BMP2K: variants seen among roughly 807,000 people sequenced by gnomAD.
BMP2K encodes BMP-2-inducible protein kinase.
A neutral mutation model predicts 116.0 loss-of-function variants in BMP2K; 74 were observed. The ratio of observed to expected loss-of-function variants is 0.64; its 90% confidence interval spans 0.53 to 0.77. The LOEUF (loss-of-function observed/expected upper bound fraction) is 0.77, where lower values mean the gene tolerates loss of function less well. Among genes scored for constraint, BMP2K ranks in the 30% least tolerant of loss-of-function variants. The pLI, the probability that BMP2K is intolerant of heterozygous loss-of-function variation, is 0.00. For synonymous variants in BMP2K, 486 were observed against 502.5 expected (o/e 0.97, Z 0.44); for missense variants, 1,365 against 1,403.6 (o/e 0.97, Z 0.44).
At chr4:78,811,951 C>A (rs1039234288) in intron 1 of BMP2K, among the ~76,000 whole-genome samples, 1 of 151,950 alleles carries the variant, frequency 6.6e-6, no homozygotes. Context: ...ATTTCCCACA[C>A]TGAAGTTATT....
chr4:78,844,731 A>G (rs1217414868), intron 4 of BMP2K, among the ~76,000 whole-genome samples, 197 bp from the exon 5 acceptor site: 1 of 151,540 alleles, frequency 6.6e-6, no homozygotes, highest in African/African-American at 2.4e-5. Flanking sequence ...TTATGTCTAT[A>G]TATGTGTGTG....
At chr4:78,851,120 A>G (rs1731232312) in intron 7 of BMP2K, 64 bp downstream of exon 7, 1 of 1,382,090 alleles carries the variant, frequency 7.2e-7, no homozygotes, top group South Asian at 1.6e-5. Context: ...TACTATTTAC[A>G]TTCCTTTACT....
chr4:78,912,140 G>T lies in BMP2K; in HGVS notation c.*107G>T. The T allele has an allele frequency of 1.0e-6, 1 of 1,004,676 alleles. No homozygotes were observed. The highest frequency in any genetic ancestry group is 1.5e-6 in the Non-Finnish European group (1 of 668,506). The allele number at this position is 1,004,676 out of a possible 1,614,324, so 62.2% of individuals were successfully genotyped here. A position where few individuals can be genotyped will look rare whatever the true frequency, so the allele number is the denominator to read the frequency against. ...GCTCTTTATAGCATTCATTCTTAAA[G>T]ATCAGTCAGAATAGGTGATTTCTAA... On this transcript the variant is annotated 3_prime_UTR_variant, in exon 16 of 16. Transcript: ENST00000502613.
intron 1 of BMP2K, among the ~76,000 whole-genome samples, chr4:78,781,815 G>A (rs763067532): frequency 4.6e-5 from 7 of 152,112 alleles, no homozygotes; most frequent in Admixed American, 2.0e-4. Flanking sequence ...AGATGCTGCC[G>A]GTTCAGGAAC....
chr4:78,777,376 A>C (rs772401160), intron 1 of BMP2K, among the ~76,000 whole-genome samples: 1 of 152,224 alleles, frequency 6.6e-6, no homozygotes, highest in Non-Finnish European at 1.5e-5. Context: ...CTTTGATAGT[A>C]GTTTAAAAGG....
Position 78,909,751 on chromosome 4 carries a change from C to G in BMP2K, c.2063-859C>G, listed in dbSNP as rs77725780. 4.8e-3 allele frequency among the ~76,000 whole-genome samples: 736 copies of G among 152,298 alleles called. 5 individuals carry two copies. The highest frequency in any genetic ancestry group is 0.017 in the African/African-American group (705 of 41,558). On this transcript the variant is annotated intron_variant, in intron 15 of 15. Coordinates refer to ENST00000502613, the MANE Select transcript of BMP2K (RefSeq NM_198892.2). Reference sequence around the variant, plus strand: ...CCCATTTCCCTGCTGTCCTTTATTTCAGAGCACTAGTCACAATTTATGTTT... The same window carrying G: ...CCCATTTCCCTGCTGTCCTTTATTTGAGAGCACTAGTCACAATTTATGTTT...
In BMP2K at chr4:78,833,639, A is replaced by G. The variant is rs201025295; in HGVS notation, c.355A>G (p.Ile119Val). The part of the protein sequence containing the change: ...VGYLDCAVNS[I>V]SDNVWEVLIL... ...CTATTTGGACTGTGCTGTTAATTCA[A>G]TTAGTGATAATGTATGGGAAGTCCT... The change falls in exon 3 of 16, where the codon ATT (isoleucine) becomes GTT (valine). Residue 119 changes from isoleucine (I) to valine (V), a missense_variant. Physicochemically the swap from Ile to Val is conservative, Grantham distance 29 (BLOSUM62 3). Around this residue, in one of 3 missense-constraint regions of BMP2K, gnomAD observed 762 missense variants for 756.7 expected, o/e 1.01. Transcript: ENST00000502613. 45 of 1,608,540 alleles carry G rather than the reference A, an allele frequency of 2.8e-5. No homozygotes were observed. Among genetic ancestry groups the G allele is most frequent in the Middle Eastern group, 3.3e-4 (2 of 6,050 alleles).
intron 15 of BMP2K, among the ~76,000 whole-genome samples, chr4:78,894,277 C>T (rs964078069): frequency 8.5e-5 from 13 of 152,196 alleles, no homozygotes; most frequent in Non-Finnish European, 1.8e-4. Flanking sequence ...CAGACATGGA[C>T]TTAACTATAG....
At chr4:78,833,711 C>A in intron 3 of BMP2K, 24 bp downstream of exon 3, 1 of 1,533,116 alleles carries the variant, frequency 6.5e-7, no homozygotes, top group Non-Finnish European at 8.9e-7. Flanking sequence ...TGCATTTGTA[C>A]TGTAATAAAA....
At chr4:78,830,973 A>T (rs1560519446) in intron 2 of BMP2K, among the ~76,000 whole-genome samples, 1 of 152,180 alleles carries the variant, frequency 6.6e-6, no homozygotes, top group Non-Finnish European at 1.5e-5. Context: ...TTGCATTCAA[A>T]ATTTGGCTGA....
Position 78,915,904 on chromosome 4 carries a change from T to C in BMP2K, c.*3871T>C, listed in dbSNP as rs748951622. 3 of 152,000 alleles carry C rather than the reference T, an allele frequency of 2.0e-5. No homozygotes were observed. Among genetic ancestry groups the C allele is most frequent in the Non-Finnish European group, 2.9e-5 (2 of 67,906 alleles). 9.4% of individuals were successfully genotyped at this position (152,000 alleles called of 1,614,324 possible). On this transcript the variant is annotated 3_prime_UTR_variant, in exon 16 of 16. Transcript: ENST00000502613. ...GAAAAGTCATCTAATAGAAGCTGTA[T>C]AGAAGCTACTTTTTAATTGCTGGCA...
At chr4:78,873,729 C>T (rs968725399) in intron 13 of BMP2K, among the ~76,000 whole-genome samples, 1 of 150,084 alleles carries the variant, frequency 6.7e-6, no homozygotes, top group Non-Finnish European at 1.5e-5. Context: ...TGTGTGTGCA[C>T]ATGTGCAAGA....
intron 15 of BMP2K, among the ~76,000 whole-genome samples, chr4:78,893,438 C>T (rs187553333): frequency 3.3e-5 from 5 of 152,254 alleles, no homozygotes; most frequent in Middle Eastern, 3.4e-3. Flanking sequence ...CCTGTTCTTA[C>T]GAATCACGAA....
At chr4:78,859,393 AGC>A in intron 7 of BMP2K, 189 bp from the exon 8 acceptor site, 2 of 437,598 alleles carry the variant, frequency 4.6e-6, no homozygotes, top group South Asian at 4.9e-5. Context: ...ATCTACCCTT[AGC>A]TTGGGATAAT....
Position 78,871,136 on chromosome 4 carries a change from T to C in BMP2K, c.1509+76T>C. 1.9e-6 allele frequency: 3 copies of C among 1,563,162 alleles called. No homozygotes were observed. The Admixed American group carries it at 5.1e-5, about 27-fold the overall frequency. The stretch of plus-strand genomic sequence containing the variant: ...AAATTGAATATCAGTGAATTCCTTT[T>C]TGTATCATGGGCACCTTGAACTCTA... On this transcript the variant is annotated intron_variant, in intron 11 of 15. Transcript: ENST00000502613.
intron 10 of BMP2K, among the ~76,000 whole-genome samples, chr4:78,867,171 CAA>C (rs1300770999): frequency 2.1e-5 from 2 of 96,886 alleles, no homozygotes; most frequent in Non-Finnish European, 2.1e-5. Flanking sequence ...GACTCTGTCT[CAA>C]AAAAAAAAAA....
chr4:78,813,701 C>T (rs1370261460), intron 1 of BMP2K, among the ~76,000 whole-genome samples: 3 of 152,196 alleles, frequency 2.0e-5, no homozygotes, highest in African/African-American at 4.8e-5. Flanking sequence ...CTCAAAGTCA[C>T]CTCAGGTCTT....
Position 78,871,031 on chromosome 4 carries a change from C to G in BMP2K, c.1480C>G (p.His494Asp), listed in dbSNP as rs761906204. 5.0e-6 allele frequency: 8 copies of G among 1,606,636 alleles called. No individual in the cohort carries two copies. In the Admixed American group the frequency reaches 1.3e-4, roughly 27 times the overall value. Reference protein sequence around the residue: ...QQQHHHHHHHHLLQDAYMQQY... With the variant: ...QQQHHHHHHHDLLQDAYMQQY... ...GCAGCACCACCACCACCACCACCAC[C>G]ACCTACTTCAAGATGCTTATATGCA... Residue 494 changes from histidine to aspartate, a missense_variant, in exon 11 of 16, where the codon CAC becomes GAC. Coordinates refer to ENST00000502613, the MANE Select transcript of BMP2K (RefSeq NM_198892.2).
chr4:78,843,922 T>TA (rs1157589035), intron 4 of BMP2K, among the ~76,000 whole-genome samples: 1 of 151,932 alleles, frequency 6.6e-6, no homozygotes, highest in African/African-American at 2.4e-5. Context: ...TGTAAACTTA[T>TA]GCAAAAATAT....
Sources: allele counts gnomAD v4.1 joint callset (sites outside exome capture counted in the v4.1 genomes callset), GRCh38; gene constraint gnomAD v4.1.1; regional missense constraint gnomAD v4.1.1; transcripts MANE v1.5; gene names NCBI Gene and HGNC (gene_info 2026-07-23, HGNC 2026-07-21).